Variants in PCDHGB2 observed in about 807,000 individuals in gnomAD.
The protein encoded by PCDHGB2 is protocadherin gamma subfamily B, 2.
In PCDHGB2, 55 loss-of-function variants were observed where a neutral mutation model predicts 59.3. The observed-to-expected ratio is 0.93, with a 90% CI of 0.75 to 1.16. The LOEUF is 1.16. Among genes scored for constraint, PCDHGB2 ranks in the 50% most tolerant of loss-of-function variants. The pLI is 0.00. For missense variants in PCDHGB2, 1,228 were observed against 1,198.5 expected (o/e 1.02, Z -0.36); for synonymous variants, 516 against 512.0 (o/e 1.01, Z -0.11).
At chr5:141,384,071 C>A (rs1476893471) in intron 1 of PCDHGB2, 2 of 1,603,074 alleles carry the variant, frequency 1.2e-6, no homozygotes, top group Non-Finnish European at 1.7e-6. Context: ...GAAAACCTAC[C>A]TTTTAAATTA....
At chr5:141,494,783 C>G (rs2099756910) in intron 1 of PCDHGB2, 24 bp from the exon 2 acceptor site, 2 of 1,613,964 alleles carry the variant, frequency 1.2e-6, no homozygotes, top group Admixed American at 3.3e-5. Context: ...GTACTCAGCC[C>G]CTTTCCCTCT....
At chr5:141,464,228 G>A (rs1196103285) in intron 1 of PCDHGB2, among the ~76,000 whole-genome samples, 1 of 148,156 alleles carries the variant, frequency 6.7e-6, no homozygotes, top group African/African-American at 2.5e-5. Context: ...TTGCGCCACT[G>A]CACTCCAGCC....
chr5:141,430,837 C>T (rs1350348914), intron 1 of PCDHGB2: 4 of 1,559,956 alleles, frequency 2.6e-6, no homozygotes, highest in South Asian at 2.5e-5. Context: ...TGTGGGAGAC[C>T]GGATGCACCC....
chr5:141,487,312 TAA>T lies in PCDHGB2; in HGVS notation c.2422-7494_2422-7493del, dbSNP rs1464336630. ...TTGGCTCATTCGTGGCACTACTCTC[TAA>T]GTGTCTTCGTGGGGCAGCCTGTGGA... On this transcript the variant is annotated intron_variant, in intron 1 of 3. Transcript: ENST00000522605. The surrounding 1 kb of genome is among the most constrained non-coding windows in gnomAD (Gnocchi z 5.0). 1 of 1,614,158 alleles carries T rather than the reference TAA, an allele frequency of 6.2e-7. No homozygotes were observed. Among genetic ancestry groups the T allele is most frequent in the African/African-American group, 1.3e-5 (1 of 75,056 alleles).
At position 141,361,642 on chromosome 5, in the gene PCDHGB2, T is replaced by C; in HGVS notation, c.1507T>C (p.Ser503Pro). The C allele has an allele frequency of 6.2e-7, 1 of 1,613,838 alleles. No individual in the cohort carries two copies. The highest frequency in any genetic ancestry group is 8.5e-7 in the Non-Finnish European group (1 of 1,179,894). The change falls in exon 1 of 4, where the codon TCC (serine) becomes CCC (proline). Residue 503 changes from serine (S) to proline (P), a missense_variant. Physicochemically the swap from Ser to Pro is moderately conservative, Grantham distance 74. Transcript: ENST00000522605. ...CGACCTGAAGCCGCGGGAGATTTTA[T>C]CCTACGTGTCCGTGAGCGCGCAGAG... ...ASDLKPREIL[S>P]YVSVSAQSGV...
rs549713754 is a variant in PCDHGB2 at position 141,365,181 on chromosome 5, A to C, written c.2421+2625A>C. On this transcript the variant is annotated intron_variant, in intron 1 of 3. Coordinates refer to ENST00000522605, the MANE Select transcript of PCDHGB2 (RefSeq NM_018923.3). ...AAATTGACCTACTCTTTTCGCAATG[A>C]AGAAGAAAAAATTTCGGAGACTTTC... 46 of 1,613,864 alleles carry C rather than the reference A, an allele frequency of 2.9e-5. No homozygotes were observed. In the South Asian group the frequency reaches 3.8e-4, roughly 13 times the overall value.
chr5:141,488,014 C>T (rs2099670661), intron 1 of PCDHGB2, among the ~76,000 whole-genome samples: 1 of 152,120 alleles, frequency 6.6e-6, no homozygotes, highest in South Asian at 2.1e-4. Context: ...TCTGAAGTAC[C>T]TTAACTCTAG....
In PCDHGB2 at chr5:141,361,664, A is replaced by G. The variant is rs1762121491; in HGVS notation, c.1529A>G (p.Gln510Arg). 6.2e-7 allele frequency: 1 copy of G among 1,613,702 alleles called. No homozygotes were observed. The highest frequency in any genetic ancestry group is 8.5e-7 in the Non-Finnish European group (1 of 1,179,898). The change falls in exon 1 of 4, where the codon CAG becomes CGG. Residue 510 changes from glutamine (Q) to arginine (R), a missense_variant. Around this residue, in one of 3 missense-constraint regions of PCDHGB2, gnomAD observed 781 missense variants for 721.6 expected, o/e 1.08. Transcript: ENST00000522605. ...TTATCCTACGTGTCCGTGAGCGCGC[A>G]GAGCGGGGTGGTGTTCGCGCAGCGC... ...EILSYVSVSAQSGVVFAQRAF... is the reference protein window; with the variant it reads ...EILSYVSVSARSGVVFAQRAF...
chr5:141,489,166 C>A lies in PCDHGB2; in HGVS notation c.2422-5641C>A. The A allele has an allele frequency of 9.1e-7, 1 of 1,099,536 alleles. No individual in the cohort carries two copies. The highest frequency in any genetic ancestry group is 1.3e-6 in the Non-Finnish European group (1 of 761,554). The allele number at this position is 1,099,536 out of a possible 1,614,324, so 68.1% of individuals were successfully genotyped here. ...AAGGAGACATAAGAGACTTCAGCTGCTGCATTCCAAGCCCTGGGTCTACCT... is the reference window on the plus strand; with the variant it reads ...AAGGAGACATAAGAGACTTCAGCTGATGCATTCCAAGCCCTGGGTCTACCT... On this transcript the variant is annotated intron_variant, in intron 1 of 3. Transcript: ENST00000522605. This position sits in a 1 kb window ranked among gnomAD's most constrained non-coding sequence, Gnocchi z 4.5.
chr5:141,409,700 G>GCGGTGT (rs1561722150), intron 1 of PCDHGB2: 2 of 1,613,280 alleles, frequency 1.2e-6, no homozygotes, highest in Admixed American at 3.3e-5. Flanking sequence ...AGAGCCCCTG[G>GCGGTGT]CGGTGTCGTC....
Position 141,491,410 on chromosome 5 carries a change from GA to G in PCDHGB2, c.2422-3396del. 1 of 1,614,142 alleles carries G rather than the reference GA, an allele frequency of 6.2e-7. No homozygotes were observed. The highest frequency in any genetic ancestry group is 8.5e-7 in the Non-Finnish European group (1 of 1,180,034). On this transcript the variant is annotated intron_variant, in intron 1 of 3. Coordinates refer to ENST00000522605, the MANE Select transcript of PCDHGB2 (RefSeq NM_018923.3). This position sits in a 1 kb window ranked among gnomAD's most constrained non-coding sequence, Gnocchi z 6.9. ...GTGCCTTCAGGGAAACGCAGACGGG[GA>G]CGGGGGTGGAGGGCAGTGCTGCAGG...
intron 1 of PCDHGB2, chr5:141,375,668 C>T: frequency 2.5e-6 from 4 of 1,614,258 alleles, no homozygotes; most frequent in Non-Finnish European, 3.4e-6. Context: ...GAGAGACCTA[C>T]AGCTGTGGGT....
intron 1 of PCDHGB2, chr5:141,391,390 C>G (rs1268177633): frequency 6.6e-6 from 1 of 151,476 alleles, no homozygotes; most frequent in Non-Finnish European, 1.5e-5. Context: ...ATAGCTCCCT[C>G]CAGCCTCAAA....
chr5:141,375,073 A>T, intron 1 of PCDHGB2: 1 of 1,614,030 alleles, frequency 6.2e-7, no homozygotes, highest in Non-Finnish European at 8.5e-7. Flanking sequence ...TTCGAGACAG[A>T]GCGAAAGTCT....
chr5:141,460,987 A>G (rs201722325), intron 1 of PCDHGB2, among the ~76,000 whole-genome samples: 34 of 92,988 alleles, frequency 3.7e-4, no homozygotes, highest in Middle Eastern at 5.0e-3. Flanking sequence ...GTGTGTGTAT[A>G]TATATATATG....
At position 141,362,301 on chromosome 5, in the gene PCDHGB2, T is replaced by C; in HGVS notation, c.2166T>C (p.Asp722=). The C allele has an allele frequency of 6.2e-7, 1 of 1,614,082 alleles. No homozygotes were observed. Among genetic ancestry groups the C allele is most frequent in the South Asian group, 1.1e-5 (1 of 91,086 alleles). Reference sequence around the variant, plus strand: ...GCCTGCGACTCTCTTCCAGGTCAGATGCTTGGGACTGTTTTCAGCCTGGTC... The same window carrying C: ...GCCTGCGACTCTCTTCCAGGTCAGACGCTTGGGACTGTTTTCAGCCTGGTC... ...SLRLRLSSRS[D]AWDCFQPGLS... is the part of the protein sequence containing the mutation. The change falls in exon 1 of 4, where the codon GAT becomes GAC. Residue 722 remains aspartate, a synonymous_variant. Coordinates refer to ENST00000522605, the MANE Select transcript of PCDHGB2 (RefSeq NM_018923.3).
intron 1 of PCDHGB2, chr5:141,370,325 G>A (rs1414705045): frequency 5.0e-6 from 7 of 1,390,940 alleles, no homozygotes; most frequent in Non-Finnish European, 6.8e-6. Context: ...GGTCCTGCTC[G>A]GAGAACTCTT....
chr5:141,489,951 T>C lies in PCDHGB2; in HGVS notation c.2422-4856T>C. On this transcript the variant is annotated intron_variant, in intron 1 of 3. Coordinates refer to ENST00000522605, the MANE Select transcript of PCDHGB2 (RefSeq NM_018923.3). The surrounding 1 kb of genome is among the most constrained non-coding windows in gnomAD (Gnocchi z 4.5). ...CTGTCATCGTGCTGGACATCAATGATAATGCTCCAACCTTCCAATCCTCAG... is the reference window on the plus strand; with the variant it reads ...CTGTCATCGTGCTGGACATCAATGACAATGCTCCAACCTTCCAATCCTCAG... 6.2e-7 allele frequency: 1 copy of C among 1,614,210 alleles called. No homozygotes were observed. Among genetic ancestry groups the C allele is most frequent in the Non-Finnish European group, 8.5e-7 (1 of 1,180,032 alleles).
intron 2 of PCDHGB2, among the ~76,000 whole-genome samples, chr5:141,500,281 T>A (rs1254933339): frequency 2.0e-5 from 3 of 151,934 alleles, no homozygotes; most frequent in Non-Finnish European, 4.4e-5. Context: ...CAATCTCGGC[T>A]CACTGCAAGC....
Sources: gnomAD v4.1 joint callset for allele counts (sites outside exome capture counted in the v4.1 genomes callset) on GRCh38, gnomAD v4.1.1 for gene constraint, gnomAD v4.1.1 regional missense constraint, Gnocchi (gnomAD v3.1) non-coding constraint, MANE v1.5 for transcripts, NCBI Gene and HGNC (gene_info 2026-07-23, HGNC 2026-07-21) for gene names.